The following SH3RF3 variants were observed in gnomAD, a reference collection of about 807,000 sequenced individuals.
SH3RF3 encodes E3 ubiquitin-protein ligase SH3RF3.
A neutral mutation model predicts 66.3 loss-of-function variants in SH3RF3; 29 were observed. That is an observed-to-expected ratio of 0.44 (90% CI 0.33 to 0.60). SH3RF3 has a LOEUF of 0.60. SH3RF3 is among the 20% of genes least tolerant of loss of function. The pLI, the probability that SH3RF3 is intolerant of heterozygous loss-of-function variation, is 0.04. For synonymous variants in SH3RF3, 583 were observed against 532.0 expected, an observed-to-expected ratio of 1.10 and a Z score of -1.32; for missense variants, 1,194 against 1,190.9, an observed-to-expected ratio of 1.00 and a Z score of -0.04.
At chr2:109,393,334 G>T (rs554604530) in intron 3 of SH3RF3, among the ~76,000 whole-genome samples, 2 of 152,334 alleles carry the variant, frequency 1.3e-5, no homozygotes, top group Admixed American at 1.3e-4. Context: ...TGTTCTAGAA[G>T]CTTGCTACAA....
chr2:109,167,206 A>G (rs1210869450), intron 1 of SH3RF3, among the ~76,000 whole-genome samples: 1 of 152,236 alleles, frequency 6.6e-6, no homozygotes, highest in Non-Finnish European at 1.5e-5. Flanking sequence ...ATATTTTTAA[A>G]AAGGATGATG....
At chr2:109,459,580 A>G (rs1382094637) in intron 8 of SH3RF3, among the ~76,000 whole-genome samples, 2 of 152,158 alleles carry the variant, frequency 1.3e-5, no homozygotes, top group African/African-American at 4.8e-5. Flanking sequence ...GCTCTTGCCC[A>G]TGTCCACTAT....
intron 1 of SH3RF3, among the ~76,000 whole-genome samples, chr2:109,337,987 C>T (rs972509424): frequency 2.0e-5 from 3 of 152,136 alleles, no homozygotes; most frequent in African/African-American, 7.2e-5. Context: ...CTGCTGCGGC[C>T]TCCCAAAGTG....
At chr2:109,426,162 G>A (rs1677024070) in intron 5 of SH3RF3, among the ~76,000 whole-genome samples, 1 of 152,208 alleles carries the variant, frequency 6.6e-6, no homozygotes, top group Non-Finnish European at 1.5e-5. Flanking sequence ...GTCCGCCTTG[G>A]CCTCCCAAAG....
rs531238334 is a variant in SH3RF3, at chr2:109,161,481, G to A, written c.573+31368G>A. On this transcript the variant is annotated intron_variant, in intron 1 of 9. Transcript: ENST00000309415. Reference sequence around the variant, plus strand: ...TACACCCTCCCTGGAGCATGGTTGGGTGACGTGCATTACATATCGTAAGGC... The same window carrying A: ...TACACCCTCCCTGGAGCATGGTTGGATGACGTGCATTACATATCGTAAGGC... 5.9e-5 allele frequency among the ~76,000 whole-genome samples: 9 copies of A among 151,370 alleles called. No individual in the cohort carries two copies. In the South Asian group the frequency reaches 1.9e-3, roughly 31 times the overall value.
At chr2:109,249,599 T>A in intron 1 of SH3RF3, among the ~76,000 whole-genome samples, 1 of 144,482 alleles carries the variant, frequency 6.9e-6, no homozygotes, top group Non-Finnish European at 1.5e-5. Flanking sequence ...CTTTCTTTCT[T>A]TTTCTTTCTT....
chr2:109,336,138 C>G (rs1028591011), intron 1 of SH3RF3, among the ~76,000 whole-genome samples: 4 of 152,144 alleles, frequency 2.6e-5, no homozygotes, highest in Admixed American at 2.6e-4. Flanking sequence ...TATTTAATAT[C>G]TTAAAGAAAG....
intron 2 of SH3RF3, among the ~76,000 whole-genome samples, chr2:109,348,919 C>A (rs780329149): frequency 1.6e-4 from 24 of 152,210 alleles, no homozygotes; most frequent in Admixed American, 5.9e-4. Context: ...ACAGGGAATT[C>A]TTCCCTTATG....
At chr2:109,349,259 T>TG (rs1186673295) in intron 2 of SH3RF3, among the ~76,000 whole-genome samples, 1 of 152,196 alleles carries the variant, frequency 6.6e-6, no homozygotes, top group Non-Finnish European at 1.5e-5. Flanking sequence ...ATTTATGTCT[T>TG]GTTCTATTGT....
rs372778850 is a variant in SH3RF3, at chr2:109,398,769, C to T, written c.1125C>T (p.Asn375=). 4.3e-6 allele frequency: 7 copies of T among 1,613,636 alleles called. No homozygotes were observed. The African/African-American group carries it at 9.3e-5, about 22-fold the overall frequency. ...AFQRRVDGKK[N]TKKRHSFTAL... is the part of the protein sequence containing the mutation. ...AGCGGCGTGTGGATGGCAAGAAGAACACCAAGAAACGCCACTCCTTCACCG... is the reference window on the plus strand; with the variant it reads ...AGCGGCGTGTGGATGGCAAGAAGAATACCAAGAAACGCCACTCCTTCACCG... The change falls in exon 4 of 10, where the codon AAC becomes AAT. Residue 375 remains asparagine (N), a synonymous_variant. Transcript: ENST00000309415.
intron 3 of SH3RF3, among the ~76,000 whole-genome samples, chr2:109,389,152 G>C (rs1444011803): frequency 6.6e-6 from 1 of 152,212 alleles, no homozygotes; most frequent in Admixed American, 6.5e-5. Context: ...ACAGGTGAGC[G>C]TACCTGCAGA....
intron 9 of SH3RF3, among the ~76,000 whole-genome samples, chr2:109,495,341 C>T (rs182285638): frequency 6.6e-6 from 1 of 152,316 alleles, no homozygotes; most frequent in East Asian, 1.9e-4. Flanking sequence ...GTTCTGGGAC[C>T]AGCCCCTCCT....
chr2:109,274,971 T>C (rs1403947427), intron 1 of SH3RF3, among the ~76,000 whole-genome samples: 2 of 152,198 alleles, frequency 1.3e-5, no homozygotes, highest in Non-Finnish European at 1.5e-5. Flanking sequence ...TTTCCTGTTA[T>C]ATGAATTTTG....
chr2:109,403,815 G>A (rs1045924239), intron 4 of SH3RF3, among the ~76,000 whole-genome samples: 8 of 152,174 alleles, frequency 5.3e-5, no homozygotes, highest in African/African-American at 1.9e-4. Flanking sequence ...CTGCAACCTT[G>A]GGTAAGCTGC....
chr2:109,248,903 TCCTGTCCTGTCCTG>T (rs1287295082), intron 1 of SH3RF3, among the ~76,000 whole-genome samples: 6 of 52,902 alleles, frequency 1.1e-4, no homozygotes, highest in African/African-American at 2.0e-4. Flanking sequence ...TCCTGTCCTG[TCCTGTCCTGTCCTG>T]TCCTGTCCTG....
intron 4 of SH3RF3, among the ~76,000 whole-genome samples, chr2:109,405,540 G>A (rs747971822): frequency 2.2e-4 from 33 of 152,098 alleles, no homozygotes; most frequent in Non-Finnish European, 3.5e-4. Context: ...CCCCGAAACT[G>A]CCGTAGCTAA....
chr2:109,305,013 C>T (rs1681558244), intron 1 of SH3RF3, among the ~76,000 whole-genome samples: 1 of 152,198 alleles, frequency 6.6e-6, no homozygotes, highest in Non-Finnish European at 1.5e-5. Context: ...GTCTGGATAT[C>T]TGGTTTCACT....
rs984451551 is a variant in SH3RF3 at position 109,429,301 on chromosome 2, C to T, written c.1404-3200C>T. On this transcript the variant is annotated intron_variant, in intron 5 of 9. Coordinates refer to ENST00000309415, the MANE Select transcript of SH3RF3 (RefSeq NM_001099289.3). ...ATCCATCTGCTTTTGGTGTCCCCTA[C>T]GAGGCACCCAGAGGAAAAAAAGTAG... Among the ~76,000 whole-genome samples the T allele has an allele frequency of 5.3e-5, 8 of 152,072 alleles. No individual in the cohort carries two copies. The East Asian group carries it at 1.2e-3, about 22-fold the overall frequency.
At chr2:109,224,850 C>CT (rs1558967753) in intron 1 of SH3RF3, among the ~76,000 whole-genome samples, 2 of 152,078 alleles carry the variant, frequency 1.3e-5, no homozygotes, top group Admixed American at 1.3e-4. Context: ...GAGCAAGACT[C>CT]TGTCTCAAAA....
Sources: gnomAD v4.1 joint callset for allele counts (sites outside exome capture counted in the v4.1 genomes callset) on GRCh38, gnomAD v4.1.1 for gene constraint, MANE v1.5 for transcripts, NCBI Gene and HGNC (gene_info 2026-07-23, HGNC 2026-07-21) for gene names.